The following PTPRD variants were observed in gnomAD, a reference collection of about 807,000 sequenced individuals.
The protein encoded by PTPRD is protein tyrosine phosphatase receptor type D.
A neutral mutation model predicts 214.5 loss-of-function variants in PTPRD; 34 were observed. The observed-to-expected ratio is 0.16, with a 90% CI of 0.12 to 0.21. The LOEUF is 0.21. Ranked by LOEUF, PTPRD falls within the 10% of genes least tolerant of loss-of-function variation. PTPRD has a pLI of 1.00. For synonymous variants in PTPRD, 1,128 were observed against 845.7 expected (o/e 1.33, Z -5.79); for missense variants, 2,545 against 2,398.7 (o/e 1.06, Z -1.27).
At chr9:9,447,544 G>C (rs2090854381) in intron 8 of PTPRD, among the ~76,000 whole-genome samples, 1 of 151,992 alleles carries the variant, frequency 6.6e-6, no homozygotes, top group Non-Finnish European at 1.5e-5. Context: ...GGAAGGAGAG[G>C]ATCAGGAAAA....
intron 10 of PTPRD, among the ~76,000 whole-genome samples, chr9:9,119,848 T>A (rs77129070): frequency 1.3e-5 from 2 of 151,316 alleles, no homozygotes; most frequent in African/African-American, 2.4e-5. Context: ...TTTTTTTTTT[T>A]AATCTCACAG....
intron 3 of PTPRD, among the ~76,000 whole-genome samples, chr9:10,136,492 G>A (rs1028125473): frequency 2.0e-5 from 3 of 152,066 alleles, no homozygotes; most frequent in Non-Finnish European, 2.9e-5. Context: ...GATAAAGCAA[G>A]TCTAAATAAA....
At chr9:9,516,357 G>C (rs575127360) in intron 8 of PTPRD, among the ~76,000 whole-genome samples, 127 of 152,084 alleles carry the variant, frequency 8.4e-4, no homozygotes, top group African/African-American at 2.9e-3. Flanking sequence ...TAAAAAGACA[G>C]ACAGTTATGA....
intron 4 of PTPRD, among the ~76,000 whole-genome samples, chr9:9,999,179 C>T (rs989082247): frequency 2.0e-5 from 3 of 152,144 alleles, no homozygotes; most frequent in African/African-American, 4.8e-5. Context: ...TCCCTACGCT[C>T]GGGCTGGGAA....
chr9:9,606,885 A>G (rs2094190532), intron 7 of PTPRD, among the ~76,000 whole-genome samples: 1 of 146,448 alleles, frequency 6.8e-6, no homozygotes, highest in South Asian at 2.2e-4. Flanking sequence ...ACTTTCGAGA[A>G]TAGGTTCGCC....
intron 3 of PTPRD, among the ~76,000 whole-genome samples, chr9:10,210,744 T>A (rs1478683339): frequency 2.9e-5 from 3 of 103,250 alleles, no homozygotes; most frequent in African/African-American, 8.9e-5. Flanking sequence ...AATGCTTATA[T>A]ATATTTAAAA....
chr9:9,119,360 TGGTGAG>T (rs112372092), intron 10 of PTPRD, among the ~76,000 whole-genome samples: 4,816 of 152,112 alleles, frequency 0.032, 135 homozygotes, highest in East Asian at 0.071. Flanking sequence ...TTAGCAAAAA[TGGTGAG>T]GGTGAGGAGA....
Position 9,264,177 on chromosome 9 carries a change from G to T in PTPRD, c.-202-80814C>A, listed in dbSNP as rs149998830. 8.0e-3 allele frequency among the ~76,000 whole-genome samples: 1,217 copies of T among 151,624 alleles called. 17 individuals are homozygous for T. Among genetic ancestry groups the T allele is most frequent in the Non-Finnish European group, 0.013 (860 of 67,710 alleles). On this transcript the variant is annotated intron_variant, in intron 9 of 45. Transcript: ENST00000381196. ...TATTAAGTAATATGACACCCCCAAA[G>T]GTACACAATAATATTTCAGTATCCA...
chr9:10,381,285 T>C (rs1290342752), intron 2 of PTPRD, among the ~76,000 whole-genome samples: 1 of 152,028 alleles, frequency 6.6e-6, no homozygotes, highest in African/African-American at 2.4e-5. Flanking sequence ...CCACCATTTC[T>C]TAAGTATTTT....
chr9:8,594,860 C>CTTTT (rs55766168), intron 14 of PTPRD, among the ~76,000 whole-genome samples: 4 of 130,578 alleles, frequency 3.1e-5, no homozygotes, highest in African/African-American at 6.0e-5. Context: ...TGTTTAACCC[C>CTTTT]TTTTTTTTTT....
At chr9:8,664,883 T>C (rs1277117566) in intron 12 of PTPRD, among the ~76,000 whole-genome samples, 2 of 152,206 alleles carry the variant, frequency 1.3e-5, no homozygotes, top group Non-Finnish European at 2.9e-5. Context: ...AGGGAAGAAT[T>C]AACCATTCAA....
chr9:10,068,770 G>C (rs1304886682), intron 3 of PTPRD, among the ~76,000 whole-genome samples: 2 of 151,910 alleles, frequency 1.3e-5, no homozygotes, highest in Non-Finnish European at 2.9e-5. Flanking sequence ...TGAAAAAAGA[G>C]TGGAATGCCA....
At chr9:9,978,260 T>C (rs1368458349) in intron 4 of PTPRD, among the ~76,000 whole-genome samples, 1 of 152,120 alleles carries the variant, frequency 6.6e-6, no homozygotes, top group African/African-American at 2.4e-5. Flanking sequence ...ACTGGGTAAC[T>C]GCTTTAAAAT....
intron 6 of PTPRD, among the ~76,000 whole-genome samples, chr9:9,741,535 C>T (rs2098402432): frequency 6.6e-6 from 1 of 152,020 alleles, no homozygotes; most frequent in Admixed American, 6.6e-5. Context: ...ATACATGTGC[C>T]ATGGTGGTTT....
At chr9:9,046,756 C>T (rs544315073) in intron 10 of PTPRD, among the ~76,000 whole-genome samples, 11 of 152,248 alleles carry the variant, frequency 7.2e-5, no homozygotes, top group African/African-American at 1.4e-4. Context: ...ATACATAAAG[C>T]ATGAGCGTTG....
chr9:8,448,872 G>GTGGGA (rs1753427276), intron 34 of PTPRD, among the ~76,000 whole-genome samples: 1 of 152,152 alleles, frequency 6.6e-6, no homozygotes, highest in Non-Finnish European at 1.5e-5. Flanking sequence ...GGACAACACT[G>GTGGGA]CAACCACATT....
intron 7 of PTPRD, among the ~76,000 whole-genome samples, chr9:9,714,825 G>C (rs1252363399): frequency 5.3e-5 from 8 of 152,144 alleles, no homozygotes; most frequent in Non-Finnish European, 8.8e-5. Flanking sequence ...TCATTTAGCA[G>C]GGTAGATGCT....
chr9:9,002,898 A>T (rs1355203976), intron 11 of PTPRD, among the ~76,000 whole-genome samples: 5 of 152,052 alleles, frequency 3.3e-5, no homozygotes, highest in Non-Finnish European at 7.4e-5. Context: ...TTTTACTTTC[A>T]GTGGTATGTT....
At chr9:10,035,040 C>A (rs1202984083) in intron 3 of PTPRD, among the ~76,000 whole-genome samples, 2 of 152,178 alleles carry the variant, frequency 1.3e-5, no homozygotes, top group African/African-American at 4.8e-5. Context: ...CTGTCTTCCA[C>A]TGTGGTTGAA....
Sources: gnomAD v4.1 joint callset for allele counts (sites outside exome capture counted in the v4.1 genomes callset) on GRCh38, gnomAD v4.1.1 for gene constraint, MANE v1.5 for transcripts, NCBI Gene and HGNC (gene_info 2026-07-23, HGNC 2026-07-21) for gene names.